AXL: variants seen among roughly 807,000 people sequenced by gnomAD.
AXL encodes the protein AXL receptor tyrosine kinase.
A neutral mutation model predicts 104.5 loss-of-function variants in AXL; 52 were observed. The ratio of observed to expected loss-of-function variants is 0.50; its 90% CI spans 0.40 to 0.63. AXL has a LOEUF of 0.63. Ranked by LOEUF, AXL falls within the 20% of genes least tolerant of loss-of-function variation. The pLI is 0.00. For missense variants in AXL, 1,024 were observed against 1,188.5 expected, an observed-to-expected ratio of 0.86 and a Z score of 2.04; for synonymous variants, 455 against 473.7, an observed-to-expected ratio of 0.96 and a Z score of 0.51.
At chr19:41,225,980 G>A (rs2033872818) in intron 4 of AXL, among the ~76,000 whole-genome samples, 1 of 152,172 alleles carries the variant, frequency 6.6e-6, no homozygotes, top group African/African-American at 2.4e-5. Flanking sequence ...GGTTGTGGGG[G>A]GATGGTCAGG....
chr19:41,222,246 G>A (rs2033804447), intron 4 of AXL, among the ~76,000 whole-genome samples, 190 bp downstream of exon 4: 1 of 151,932 alleles, frequency 6.6e-6, no homozygotes, highest in Non-Finnish European at 1.5e-5. Context: ...CTCTCCGTAT[G>A]CCTTTTTCTG....
At chr19:41,231,083 A>AGG in intron 5 of AXL, 36 bp downstream of exon 5, 1 of 1,611,834 alleles carries the variant, frequency 6.2e-7, no homozygotes, top group Non-Finnish European at 8.5e-7. Context: ...TGGGCGTCAG[A>AGG]GGGTGGGGTT....
chr19:41,258,255 C>T (rs1434784777), intron 19 of AXL, among the ~76,000 whole-genome samples: 1 of 152,166 alleles, frequency 6.6e-6, no homozygotes, highest in Non-Finnish European at 1.5e-5. Context: ...AGAGCTGAGA[C>T]GAGTAAAAAT....
intron 14 of AXL, among the ~76,000 whole-genome samples, chr19:41,251,597 C>T (rs1302226862): frequency 6.6e-6 from 1 of 151,346 alleles, no homozygotes; most frequent in African/African-American, 2.4e-5. Flanking sequence ...GATGGTGGTG[C>T]GTGCCTGTGG....
chr19:41,248,861 C>T (rs1445943691), intron 14 of AXL, 41 bp downstream of exon 14: 1 of 1,547,088 alleles, frequency 6.5e-7, no homozygotes, highest in Non-Finnish European at 8.8e-7. Context: ...AGCTCCTTCC[C>T]TATGCCCCTG....
At chr19:41,246,469 C>G (rs2034271671) in intron 12 of AXL, among the ~76,000 whole-genome samples, 1 of 136,830 alleles carries the variant, frequency 7.3e-6, no homozygotes, top group African/African-American at 3.0e-5. Flanking sequence ...TTAAATAAAC[C>G]TGATAGGTTT....
chr19:41,219,777 A>G (rs2122192866), intron 1 of AXL, among the ~76,000 whole-genome samples: 1 of 149,262 alleles, frequency 6.7e-6, no homozygotes, highest in South Asian at 2.2e-4. Flanking sequence ...GAAGGGGGCC[A>G]TGGGGAGAGG....
At chr19:41,253,757 T>A (rs2122281350) in intron 17 of AXL, 49 bp downstream of exon 17, 2 of 1,414,650 alleles carry the variant, frequency 1.4e-6, no homozygotes, top group Non-Finnish European at 2.0e-6. Context: ...CTGCACTCCC[T>A]GAGGGAGTTC....
chr19:41,242,692 T>A (rs146379248), intron 10 of AXL, among the ~76,000 whole-genome samples, 191 bp from the exon 11 acceptor site: 123 of 152,218 alleles, frequency 8.1e-4, no homozygotes, highest in Non-Finnish European at 1.5e-3. Flanking sequence ...AACCTGCACT[T>A]GTATCACATC....
intron 4 of AXL, among the ~76,000 whole-genome samples, chr19:41,225,975 T>TG (rs989529075): frequency 1.3e-5 from 2 of 152,022 alleles, no homozygotes; most frequent in African/African-American, 4.8e-5. Flanking sequence ...GCAGGGGTTG[T>TG]GGGGGGATGG....
chr19:41,225,124 C>T (rs2033856667), intron 4 of AXL, among the ~76,000 whole-genome samples: 1 of 152,200 alleles, frequency 6.6e-6, no homozygotes, highest in Non-Finnish European at 1.5e-5. Flanking sequence ...CTGCCTCAGC[C>T]TCCTGAGGAG....
At chr19:41,242,203 A>G (rs2034193776) in intron 10 of AXL, among the ~76,000 whole-genome samples, 1 of 151,478 alleles carries the variant, frequency 6.6e-6, no homozygotes, top group Non-Finnish European at 1.5e-5. Context: ...TGGTGGCATA[A>G]TATTTGGTAG....
chr19:41,237,549 C>T lies in AXL; in HGVS notation c.784-395C>T, dbSNP rs4637024. Among the ~76,000 whole-genome samples the T allele has an allele frequency of 7.8e-3, 1,184 of 152,182 alleles. 19 individuals carry two copies. The highest frequency in any genetic ancestry group is 0.027 in the African/African-American group (1,106 of 41,524). ...GGAGCCACCGTGCCCAGTCTATTTG[C>T]GTTATTATTGTCATCACACTATTAT... On this transcript the variant is annotated intron_variant, in intron 6 of 19. Coordinates refer to ENST00000301178, the MANE Select transcript of AXL (RefSeq NM_021913.5).
At chr19:41,247,293 C>T (rs1599738799) in intron 12 of AXL, among the ~76,000 whole-genome samples, 2 of 152,152 alleles carry the variant, frequency 1.3e-5, no homozygotes, top group Admixed American at 1.3e-4. Context: ...GTGGGCAGAT[C>T]ACCTGAGGTC....
At chr19:41,228,748 A>G (rs1019165265) in intron 4 of AXL, among the ~76,000 whole-genome samples, 2 of 152,130 alleles carry the variant, frequency 1.3e-5, no homozygotes, top group Non-Finnish European at 2.9e-5. Flanking sequence ...GACGAAACAG[A>G]CACAACCCCT....
At position 41,221,906 on chromosome 19, in the gene AXL, G is replaced by A. The variant is rs779440422; in HGVS notation, c.436G>A (p.Glu146Lys). The A allele has an allele frequency of 2.5e-5, 41 of 1,613,570 alleles. No individual in the cohort carries two copies. Among genetic ancestry groups the A allele is most frequent in the South Asian group, 2.5e-4 (23 of 91,032 alleles). The change falls in exon 4 of 20, where the codon GAA becomes AAA. Residue 146 changes from glutamate (E) to lysine (K), a missense_variant. Physicochemically the swap from Glu to Lys is moderately conservative, Grantham distance 56. Around this residue, in one of 5 missense-constraint regions of AXL, gnomAD observed 332 missense variants for 343.9 expected, o/e 0.97. Coordinates refer to ENST00000301178, the MANE Select transcript of AXL (RefSeq NM_021913.5). Reference protein sequence around the residue: ...EGLPYFLEEPEDRTVAANTPF... With the variant: ...EGLPYFLEEPKDRTVAANTPF... ...CTTGCCTTACTTCCTGGAGGAGCCCGAAGACAGGACTGTGGCCGCCAACAC... is the reference window on the plus strand; with the variant it reads ...CTTGCCTTACTTCCTGGAGGAGCCCAAAGACAGGACTGTGGCCGCCAACAC...
Position 41,259,558 on chromosome 19 carries a change from C to T in AXL, c.2339C>T (p.Ala780Val). 6.3e-7 allele frequency: 1 copy of T among 1,599,834 alleles called. No individual in the cohort carries two copies. The highest frequency in any genetic ancestry group is 8.5e-7 in the Non-Finnish European group (1 of 1,172,166). The change falls in exon 20 of 20, where the codon GCC becomes GTC. Residue 780 changes from alanine (A) to valine (V), a missense_variant. Transcript: ENST00000301178. ...QPADCLDGLY[A>V]LMSRCWELNP... is the part of the protein sequence containing the mutation. ...CCCTCATTTTGCTGCCCTAGGTATG[C>T]CTTGATGTCGCGGTGCTGGGAGCTA...
At chr19:41,256,114 GC>G (rs1156882199) in intron 17 of AXL, among the ~76,000 whole-genome samples, 1 of 147,800 alleles carries the variant, frequency 6.8e-6, no homozygotes, top group Non-Finnish European at 1.5e-5. Context: ...AATTCAGTGA[GC>G]TGCTTACTTA....
intron 17 of AXL, among the ~76,000 whole-genome samples, chr19:41,254,392 AAG>A (rs1354544218): frequency 4.8e-4 from 69 of 144,148 alleles, no homozygotes; most frequent in Middle Eastern, 3.5e-3. Context: ...AAAAAAAAAA[AAG>A]AAAGAAAGAA....
Sources: gnomAD v4.1 joint callset for allele counts (sites outside exome capture counted in the v4.1 genomes callset) on GRCh38, gnomAD v4.1.1 for gene constraint, gnomAD v4.1.1 regional missense constraint, MANE v1.5 for transcripts, NCBI Gene and HGNC (gene_info 2026-07-23, HGNC 2026-07-21) for gene names.